The following VSIG1 variants were observed in gnomAD, a reference collection of about 807,000 sequenced individuals.
VSIG1 encodes V-set and immunoglobulin domain-containing protein 1.
VSIG1 carries 11 observed loss-of-function variants against 20.1 expected under a neutral mutation model. That is an observed-to-expected ratio of 0.55 (90% CI 0.34 to 0.91). VSIG1 has a LOEUF of 0.91. Among genes scored for constraint, VSIG1 ranks in the 40% least tolerant of loss-of-function variants. The pLI is 0.02. For missense variants in VSIG1, 283 were observed against 298.8 expected, an observed-to-expected ratio of 0.95 and a Z score of 0.39; for synonymous variants, 126 against 116.7, an observed-to-expected ratio of 1.08 and a Z score of -0.52.
At chrX:108,068,454 C>T (rs907802791) in intron 3 of VSIG1, among the ~76,000 whole-genome samples, 2 of 111,606 alleles carry the variant, frequency 1.8e-5, no homozygotes, top group South Asian at 3.8e-4. Context: ...AATTGTCTCA[C>T]GGTTCTGCAG....
the VSIG1 span, among the ~76,000 whole-genome samples, chrX:108,038,086 T>C: frequency 9.0e-6 from 1 of 111,728 alleles, no homozygotes; most frequent in African/African-American, 3.3e-5. Context: ...TTTTCATCTT[T>C]CTTTTTTTTA....
intron 1 of VSIG1, among the ~76,000 whole-genome samples, chrX:108,054,542 C>T (rs1223069378): frequency 9.0e-6 from 1 of 111,165 alleles, no homozygotes; most frequent in East Asian, 2.8e-4. Context: ...ACCTACAGAA[C>T]ATTCACCAAG....
At chrX:108,064,467 A>G (rs2031088712) in intron 2 of VSIG1, among the ~76,000 whole-genome samples, 1 of 111,719 alleles carries the variant, frequency 9.0e-6, no homozygotes, top group Non-Finnish European at 1.9e-5. Context: ...CTCATGCCCA[A>G]CTATGGGACT....
chrX:108,032,740 AAGG>A, the VSIG1 span, among the ~76,000 whole-genome samples: 1 of 111,601 alleles, frequency 9.0e-6, no homozygotes, highest in Non-Finnish European at 1.9e-5. Flanking sequence ...GAGGAATAAA[AAGG>A]AGGTCAGAGT....
At chrX:108,058,340 A>G (rs2030952794) in intron 2 of VSIG1, 139 bp downstream of exon 2, 2 of 572,344 alleles carry the variant, frequency 3.5e-6, no homozygotes, top group Admixed American at 3.8e-5. Context: ...AAGTTTGAAG[A>G]CAGCTGTATA....
At chrX:108,020,072 T>A in the VSIG1 span, among the ~76,000 whole-genome samples, 7 of 112,407 alleles carry the variant, frequency 6.2e-5, no homozygotes, top group Non-Finnish European at 1.1e-4. Flanking sequence ...CTATTCAAAG[T>A]GTGATTATCT....
the VSIG1 span, among the ~76,000 whole-genome samples, chrX:108,022,902 C>G: frequency 9.0e-6 from 1 of 111,625 alleles, no homozygotes; most frequent in Non-Finnish European, 1.9e-5. Flanking sequence ...CTCCACCCAT[C>G]TCTCTTCCTC....
intron 1 of VSIG1, among the ~76,000 whole-genome samples, chrX:108,048,779 T>G (rs1334807350): frequency 8.9e-6 from 1 of 112,257 alleles, no homozygotes; most frequent in Non-Finnish European, 1.9e-5. Context: ...ATAAAGTCAG[T>G]TCCTCAGTTT....
chrX:108,045,066 A>G lies in VSIG1; in HGVS notation c.-65A>G, dbSNP rs1444574964. ...AACCTCGGTGTGATCGAAGAAGCCA[A>G]TTTGAGACTCAGCCTAGTCCAGGCA... On this transcript the variant is annotated 5_prime_UTR_variant, in exon 1 of 7. Transcript: ENST00000217957. 2.9e-6 allele frequency: 3 copies of G among 1,022,790 alleles called. No homozygotes were observed. Among genetic ancestry groups the G allele is most frequent in the South Asian group, 2.8e-5 (1 of 35,518 alleles). 84.3% of individuals were successfully genotyped at this position (1,022,790 alleles called of 1,213,427 possible). A position where few individuals can be genotyped will look rare whatever the true frequency, so the allele number is the denominator to read the frequency against.
chrX:108,051,694 G>A (rs773494767), intron 1 of VSIG1, among the ~76,000 whole-genome samples: 4 of 110,882 alleles, frequency 3.6e-5, no homozygotes, highest in Middle Eastern at 4.7e-3. Context: ...TATCTGACAA[G>A]GATTTCAAAG....
At position 108,073,347 on chromosome X, in the gene VSIG1, C is replaced by A; in HGVS notation, c.666C>A (p.Cys222Ter). 8.3e-7 allele frequency: 1 copy of A among 1,210,187 alleles called. No individual in the cohort carries two copies. Among genetic ancestry groups the A allele is most frequent in the Non-Finnish European group, 1.1e-6 (1 of 894,709 alleles). ...TCAACAGACTTGGCAATAGTTCCTG[C>A]GAAATCGATCTCACTTCTTCACGTG... Reference protein sequence around the residue: ...TAINRLGNSSCEIDLTSSHPE... With the variant: ...TAINRLGNSS Residue 222 changes from cysteine to a stop codon, truncating the protein, a stop_gained, in exon 5 of 7, where the codon TGC becomes TGA. Transcript: ENST00000217957. LOFTEE classifies it high-confidence loss of function.
At chrX:108,047,219 T>A (rs1361239947) in intron 1 of VSIG1, among the ~76,000 whole-genome samples, 1 of 111,678 alleles carries the variant, frequency 9.0e-6, no homozygotes, top group Non-Finnish European at 1.9e-5. Flanking sequence ...TGAATTACTT[T>A]CCCAAATTCC....
intron 1 of VSIG1, among the ~76,000 whole-genome samples, chrX:108,046,020 C>A (rs1446513712): frequency 1.8e-5 from 2 of 110,890 alleles, no homozygotes; most frequent in Non-Finnish European, 3.8e-5. Flanking sequence ...AAGCAGGATG[C>A]ACACATATGC....
chrX:108,049,026 T>C (rs933765597), intron 1 of VSIG1, among the ~76,000 whole-genome samples: 2 of 112,341 alleles, frequency 1.8e-5, no homozygotes, highest in African/African-American at 3.2e-5. Context: ...TTGGACAATG[T>C]CTGAAAAACA....
chrX:108,047,708 G>A (rs1435948646), intron 1 of VSIG1, among the ~76,000 whole-genome samples: 1 of 97,220 alleles, frequency 1.0e-5, no homozygotes, highest in African/African-American at 3.8e-5. Context: ...TAAGCAAAAT[G>A]TTTGCCACCT....
upstream of VSIG1, among the ~76,000 whole-genome samples, chrX:108,041,686 G>A (rs1257351782): frequency 9.4e-6 from 1 of 106,418 alleles, no homozygotes; most frequent in Non-Finnish European, 1.9e-5. Context: ...TGAATGAATG[G>A]GACTTTTTTT....
intron 1 of VSIG1, among the ~76,000 whole-genome samples, chrX:108,048,577 C>T (rs1602565556): frequency 8.9e-6 from 1 of 111,857 alleles, no homozygotes; most frequent in African/African-American, 3.3e-5. Context: ...ATTCACAGTC[C>T]TATTGATGTA....
the VSIG1 span, among the ~76,000 whole-genome samples, chrX:108,030,170 A>G: frequency 8.9e-6 from 1 of 111,938 alleles, no homozygotes; most frequent in Non-Finnish European, 1.9e-5. Flanking sequence ...CACTTAGCTC[A>G]TAACAAAAAA....
At chrX:108,067,324 A>G (rs1230894374) in intron 3 of VSIG1, among the ~76,000 whole-genome samples, 190 bp downstream of exon 3, 1 of 111,508 alleles carries the variant, frequency 9.0e-6, no homozygotes, top group Admixed American at 9.5e-5. Context: ...CACTCATAAA[A>G]CATGCAGAAC....
Sources: gnomAD v4.1 joint callset for allele counts (sites outside exome capture counted in the v4.1 genomes callset) on GRCh38, gnomAD v4.1.1 for gene constraint, MANE v1.5 for transcripts, NCBI Gene and HGNC (gene_info 2026-07-23, HGNC 2026-07-21) for gene names.